The following USP22 variants were observed in gnomAD, a reference collection of about 807,000 sequenced individuals.
USP22 encodes ubiquitin carboxyl-terminal hydrolase 22.
USP22 carries 22 observed loss-of-function variants against 68.1 expected under a neutral mutation model. That is an observed-to-expected ratio of 0.32 (90% CI 0.23 to 0.46). The LOEUF (loss-of-function observed/expected upper bound fraction) is 0.46, where lower values mean the gene tolerates loss of function less well. USP22 is among the 20% of genes least tolerant of loss of function. The pLI is 1.00. For missense variants in USP22, 433 were observed against 695.8 expected, an observed-to-expected ratio of 0.62 and a Z score of 4.25; for synonymous variants, 279 against 274.2, an observed-to-expected ratio of 1.02 and a Z score of -0.17.
At chr17:21,004,583 G>A (rs1913716644) in intron 11 of USP22, among the ~76,000 whole-genome samples, 1 of 152,130 alleles carries the variant, frequency 6.6e-6, no homozygotes, top group East Asian at 1.9e-4. Context: ...TAGTGGGAGT[G>A]GTGACTGCAG....
In USP22 at chr17:21,042,910, T is replaced by C. The variant is rs942099410; in HGVS notation, c.-75A>G. Reference sequence around the variant, plus strand: ...GACGACGCCAGCGCGGCGTGGGGGCTGCTCGGCGGCTGGCCAGGCTGGCCA... The same window carrying C: ...GACGACGCCAGCGCGGCGTGGGGGCCGCTCGGCGGCTGGCCAGGCTGGCCA... On this transcript the variant is annotated 5_prime_UTR_variant, in exon 1 of 13. Coordinates refer to ENST00000261497, the MANE Select transcript of USP22 (RefSeq NM_015276.2). 62 of 1,050,818 alleles carry C rather than the reference T, an allele frequency of 5.9e-5. No individual in the cohort carries two copies. In the African/African-American group the frequency reaches 6.5e-4, roughly 11 times the overall value. The allele number at this position is 1,050,818 out of a possible 1,614,324, so 65.1% of individuals were successfully genotyped here.
At chr17:21,040,849 C>A (rs984691516) in intron 1 of USP22, among the ~76,000 whole-genome samples, 21 of 151,438 alleles carry the variant, frequency 1.4e-4, no homozygotes, top group Non-Finnish European at 2.4e-4. Flanking sequence ...GTAGCAACAG[C>A]ACATTCCCTG....
intron 1 of USP22, among the ~76,000 whole-genome samples, chr17:21,041,090 G>A (rs1393205434): frequency 2.0e-5 from 3 of 151,552 alleles, no homozygotes; most frequent in African/African-American, 7.3e-5. Context: ...TCACCATGTT[G>A]GCCAGGCTGG....
In USP22 at chr17:21,028,522, A is replaced by C; in HGVS notation, c.304+20T>G. ...ATTTGGGGGCCACAACTATCCCCCC[A>C]TCCCAGAAGCTCGCCTCACCCAGGT... is the stretch of plus-strand genomic sequence containing the variant. On this transcript the variant is annotated intron_variant, in intron 2 of 12. Transcript: ENST00000261497. 1 of 1,613,008 alleles carries C rather than the reference A, an allele frequency of 6.2e-7. No individual in the cohort carries two copies. The highest frequency in any genetic ancestry group is 8.5e-7 in the Non-Finnish European group (1 of 1,179,484).
intron 2 of USP22, among the ~76,000 whole-genome samples, chr17:21,025,903 T>C (rs1972213468): frequency 6.6e-6 from 1 of 152,158 alleles, no homozygotes. Context: ...AGTTTTGAAC[T>C]AGAGAGGTGG....
At chr17:21,021,420 G>A (rs926340078) in intron 2 of USP22, among the ~76,000 whole-genome samples, 194 bp from the exon 3 acceptor site, 1 of 152,174 alleles carries the variant, frequency 6.6e-6, no homozygotes, top group African/African-American at 2.4e-5. Context: ...GTGTTTGGCA[G>A]CTCATGCCCA....
At chr17:21,020,482 A>G (rs1021129993) in intron 3 of USP22, among the ~76,000 whole-genome samples, 1 of 151,916 alleles carries the variant, frequency 6.6e-6, no homozygotes, top group African/African-American at 2.4e-5. Flanking sequence ...AGACTCTCCT[A>G]GTTTCCTTCT....
At chr17:21,009,911 C>G (rs4445951) in intron 8 of USP22, among the ~76,000 whole-genome samples, 28,656 of 151,224 alleles carry the variant, frequency 0.19, 3,438 homozygotes, top group South Asian at 0.28. Flanking sequence ...GCCAAGATCG[C>G]GCCACTGCAC....
intron 2 of USP22, among the ~76,000 whole-genome samples, chr17:21,021,982 C>A (rs1413099776): frequency 6.6e-6 from 1 of 152,094 alleles, no homozygotes; most frequent in African/African-American, 2.4e-5. Flanking sequence ...CGCCTGTAAC[C>A]CCAGCTATTC....
At chr17:21,014,078 CA>C (rs1914057064) in intron 6 of USP22, among the ~76,000 whole-genome samples, 2 of 152,014 alleles carry the variant, frequency 1.3e-5, no homozygotes, top group Admixed American at 1.3e-4. Flanking sequence ...GACTCAAAAA[CA>C]AAACAAAACA....
At chr17:21,019,598 A>G (rs1161955820) in intron 3 of USP22, among the ~76,000 whole-genome samples, 2 of 152,270 alleles carry the variant, frequency 1.3e-5, no homozygotes, top group African/African-American at 2.4e-5. Flanking sequence ...CTGAAATAGC[A>G]TAAACTCAGC....
intron 1 of USP22, among the ~76,000 whole-genome samples, chr17:21,029,862 C>T (rs1305560358): frequency 1.3e-5 from 2 of 152,152 alleles, no homozygotes; most frequent in African/African-American, 4.8e-5. Context: ...CAACTCAGGA[C>T]GTTGCCAGGG....
At chr17:21,028,709 G>C (rs766502053) in intron 1 of USP22, 35 bp from the exon 2 acceptor site, 6 of 1,608,074 alleles carry the variant, frequency 3.7e-6, no homozygotes, top group Middle Eastern at 1.7e-4. Flanking sequence ...TGAACGCTGT[G>C]TGATAAGACA....
At chr17:21,007,730 C>CA in intron 9 of USP22, 140 bp downstream of exon 9, 1 of 1,104,478 alleles carries the variant, frequency 9.1e-7, no homozygotes, top group Admixed American at 2.1e-5. Flanking sequence ...ACAATTCCCT[C>CA]ACACCCTCCC....
At chr17:21,032,123 C>T (rs112967334) in intron 1 of USP22, among the ~76,000 whole-genome samples, 2,074 of 150,668 alleles carry the variant, frequency 0.014, 20 homozygotes, top group Non-Finnish European at 0.02. Flanking sequence ...TGCTTACAAC[C>T]GTCTTTCAAC....
At position 21,012,815 on chromosome 17, in the gene USP22, C is replaced by T; in HGVS notation, c.944+15G>A. ...AGAGGGTTTGATATTGCCGAGCACG[C>T]AGCCTCTCACTTACTGGCAGACTTG... On this transcript the variant is annotated intron_variant, in intron 7 of 12. Coordinates refer to ENST00000261497, the MANE Select transcript of USP22 (RefSeq NM_015276.2). The T allele has an allele frequency of 6.2e-7, 1 of 1,612,010 alleles. No homozygotes were observed. Among genetic ancestry groups the T allele is most frequent in the Non-Finnish European group, 8.5e-7 (1 of 1,178,202 alleles).
intron 12 of USP22, among the ~76,000 whole-genome samples, chr17:21,003,969 C>G (rs4985958): frequency 6.6e-6 from 1 of 151,930 alleles, no homozygotes; most frequent in Non-Finnish European, 1.5e-5. Context: ...ACTGCTCTGA[C>G]GTTCTCTGTG....
chr17:21,037,157 C>T (rs1041985662), intron 1 of USP22, among the ~76,000 whole-genome samples: 12 of 152,300 alleles, frequency 7.9e-5, no homozygotes, highest in African/African-American at 2.2e-4. Context: ...TAACCCAAAG[C>T]ATACATTCAA....
chr17:21,008,024 G>A (rs371306629), intron 8 of USP22, 28 bp from the exon 9 acceptor site: 59 of 1,606,444 alleles, frequency 3.7e-5, no homozygotes, highest in African/African-American at 9.4e-5. Context: ...AGACAGGAGC[G>A]GTAAGGGAGA....
Sources: gnomAD v4.1 joint callset for allele counts (sites outside exome capture counted in the v4.1 genomes callset) on GRCh38, gnomAD v4.1.1 for gene constraint, MANE v1.5 for transcripts, NCBI Gene and HGNC (gene_info 2026-07-23, HGNC 2026-07-21) for gene names.